MAGI2: variants seen among roughly 807,000 people sequenced by gnomAD.
MAGI2 encodes the protein membrane associated guanylate kinase, WW and PDZ domain containing 2, also known as membrane-associated guanylate kinase, WW and PDZ domain-containing protein 2.
Under a neutral mutation model 133.3 loss-of-function variants are expected in MAGI2, and 35 were observed. The ratio of observed to expected loss-of-function variants is 0.26; its 90% CI spans 0.20 to 0.35. The LOEUF is 0.35. MAGI2 is among the 10% of genes least tolerant of loss of function. The pLI is 1.00. For missense variants in MAGI2, 1,636 were observed against 1,863.4 expected (o/e 0.88, Z 2.25); for synonymous variants, 729 against 710.6 (o/e 1.03, Z -0.41).
At chr7:78,360,467 A>G (rs543231173) in intron 7 of MAGI2, among the ~76,000 whole-genome samples, 1 of 152,356 alleles carries the variant, frequency 6.6e-6, no homozygotes, top group South Asian at 2.1e-4. Context: ...AAAGTATGTA[A>G]TGATACAGAT....
chr7:78,475,206 T>A (rs1157785803), intron 6 of MAGI2, among the ~76,000 whole-genome samples: 1 of 151,864 alleles, frequency 6.6e-6, no homozygotes, highest in Non-Finnish European at 1.5e-5. Flanking sequence ...CAGAGTGGAA[T>A]AAAGGAAACA....
At chr7:78,319,198 CA>C (rs1787735518) in intron 9 of MAGI2, among the ~76,000 whole-genome samples, 1 of 152,198 alleles carries the variant, frequency 6.6e-6, no homozygotes, top group Non-Finnish European at 1.5e-5. Flanking sequence ...CAAGACTCAT[CA>C]GTGTGCTGTA....
intron 3 of MAGI2, among the ~76,000 whole-genome samples, chr7:78,570,513 C>T (rs867848453): frequency 3.3e-5 from 5 of 152,118 alleles, no homozygotes; most frequent in Admixed American, 6.5e-5. Context: ...GCCTTTAATG[C>T]AAGTTCTCAG....
At chr7:78,066,883 A>G (rs1813885613) in intron 21 of MAGI2, among the ~76,000 whole-genome samples, 1 of 152,194 alleles carries the variant, frequency 6.6e-6, no homozygotes, top group Non-Finnish European at 1.5e-5. Flanking sequence ...CTTTGCCAGC[A>G]AACACTGATT....
intron 3 of MAGI2, among the ~76,000 whole-genome samples, chr7:78,570,681 A>C (rs1460286943): frequency 2.0e-5 from 3 of 152,206 alleles, no homozygotes; most frequent in African/African-American, 4.8e-5. Context: ...TGGGCAAGAA[A>C]ATTTGCTCAG....
At chr7:78,835,359 T>C (rs371561748) in intron 2 of MAGI2, among the ~76,000 whole-genome samples, 1 of 152,212 alleles carries the variant, frequency 6.6e-6, no homozygotes, top group Non-Finnish European at 1.5e-5. Flanking sequence ...ATAAGAGCAG[T>C]TAATCAGCAA....
At chr7:79,366,503 T>C (rs548013069) in intron 1 of MAGI2, among the ~76,000 whole-genome samples, 38 of 152,222 alleles carry the variant, frequency 2.5e-4, no homozygotes, top group Middle Eastern at 3.4e-3. Flanking sequence ...GAAAACCTAC[T>C]GAGCTAATAA....
intron 1 of MAGI2, chr7:79,415,006 T>C (rs1037938845): frequency 6.6e-6 from 1 of 152,144 alleles, no homozygotes; most frequent in Admixed American, 6.5e-5. Flanking sequence ...ATCCAGTAAG[T>C]TTAAATGATG....
intron 21 of MAGI2, among the ~76,000 whole-genome samples, chr7:78,060,885 G>A (rs779077908): frequency 2.6e-5 from 4 of 152,140 alleles, no homozygotes; most frequent in Admixed American, 6.5e-5. Context: ...AAAGGTTTTT[G>A]TTGGGTGCAG....
intron 21 of MAGI2, among the ~76,000 whole-genome samples, chr7:78,036,254 G>A (rs994675743): frequency 1.3e-5 from 2 of 152,194 alleles, no homozygotes; most frequent in African/African-American, 4.8e-5. Context: ...CTGAACAGCT[G>A]TGTGGCTTTG....
intron 2 of MAGI2, among the ~76,000 whole-genome samples, chr7:78,684,578 G>A (rs530237266): frequency 6.6e-6 from 1 of 152,154 alleles, no homozygotes; most frequent in African/African-American, 2.4e-5. Context: ...GTGTTTCTTA[G>A]TTAAAAGATA....
At chr7:78,579,432 T>A (rs1172615888) in intron 3 of MAGI2, among the ~76,000 whole-genome samples, 1 of 152,102 alleles carries the variant, frequency 6.6e-6, no homozygotes, top group Non-Finnish European at 1.5e-5. Flanking sequence ...TGCCTTCCAT[T>A]TACCTAAAAG....
chr7:78,590,610 A>G (rs951127872), intron 3 of MAGI2, among the ~76,000 whole-genome samples: 1 of 152,256 alleles, frequency 6.6e-6, no homozygotes, highest in African/African-American at 2.4e-5. Context: ...GGTTTTCCTT[A>G]TAACTAAAAT....
chr7:79,135,820 A>T (rs1164056652), intron 1 of MAGI2, among the ~76,000 whole-genome samples: 7 of 151,698 alleles, frequency 4.6e-5, no homozygotes, highest in Non-Finnish European at 1.0e-4. Flanking sequence ...ATACTCCTGT[A>T]GTCCCAACTC....
intron 3 of MAGI2, chr7:78,616,014 C>T (rs1807048281): frequency 6.6e-6 from 1 of 152,072 alleles, no homozygotes; most frequent in South Asian, 2.1e-4. Context: ...TCAGTTTTTC[C>T]ATTAATTATC....
intron 1 of MAGI2, chr7:79,353,635 C>T (rs1171848591): frequency 5.2e-6 from 2 of 381,140 alleles, no homozygotes; most frequent in African/African-American, 4.2e-5. Flanking sequence ...GGAGATACAG[C>T]TGAGATTGGG....
chr7:79,178,597 AG>A (rs1409328080), intron 1 of MAGI2, among the ~76,000 whole-genome samples: 2 of 151,734 alleles, frequency 1.3e-5, no homozygotes, highest in Non-Finnish European at 2.9e-5. Flanking sequence ...CTGTAGTCCC[AG>A]CTACTCAGGA....
At chr7:78,317,850 G>A (rs1787586934) in intron 9 of MAGI2, among the ~76,000 whole-genome samples, 1 of 152,118 alleles carries the variant, frequency 6.6e-6, no homozygotes, top group Non-Finnish European at 1.5e-5. Context: ...GGCAAACAGG[G>A]TCTGGAGTGC....
In MAGI2 at chr7:78,536,757, TTG is replaced by T. The variant is rs1419431006; in HGVS notation, c.539-15114_539-15113del. Among the ~76,000 whole-genome samples the T allele has an allele frequency of 9.0e-3, 849 of 94,374 alleles. 7 individuals carry two copies. Among genetic ancestry groups the T allele is most frequent in the African/African-American group, 0.034 (766 of 22,480 alleles). The allele number at this position is 94,374 out of a possible 152,430, so 61.9% of individuals were successfully genotyped here. A position where few individuals can be genotyped will look rare whatever the true frequency, so the allele number is the denominator to read the frequency against. Reference sequence around the variant, plus strand: ...AATAGTTTTTTTTTTGTTTTTGTTGTTGTTTTTTTTTTTTTTTTCTGGAGACA... The same window carrying T: ...AATAGTTTTTTTTTTGTTTTTGTTGTTTTTTTTTTTTTTTTTCTGGAGACA... On this transcript the variant is annotated intron_variant, in intron 3 of 21. Coordinates refer to ENST00000354212, the MANE Select transcript of MAGI2 (RefSeq NM_012301.4).
Sources: allele counts gnomAD v4.1 joint callset (sites outside exome capture counted in the v4.1 genomes callset), GRCh38; gene constraint gnomAD v4.1.1; transcripts MANE v1.5; gene names NCBI Gene and HGNC (gene_info 2026-07-23, HGNC 2026-07-21).